Variants in RBM20 observed in about 807,000 individuals in gnomAD.
RBM20 encodes RNA-binding protein 20.
A neutral mutation model predicts 110.1 loss-of-function variants in RBM20; 51 were observed. The observed-to-expected ratio is 0.46, with a 90% CI of 0.37 to 0.59. RBM20 has a LOEUF of 0.59. RBM20 is among the 20% of genes least tolerant of loss of function. The pLI, the probability that RBM20 is intolerant of heterozygous loss-of-function variation, is 0.00. For missense variants in RBM20, 1,512 were observed against 1,574.9 expected, an observed-to-expected ratio of 0.96 and a Z score of 0.68; for synonymous variants, 589 against 618.2, an observed-to-expected ratio of 0.95 and a Z score of 0.70.
At chr10:110,817,327 T>C (rs547277316) in intron 9 of RBM20, among the ~76,000 whole-genome samples, 9 of 152,312 alleles carry the variant, frequency 5.9e-5, no homozygotes, top group Admixed American at 2.6e-4. Flanking sequence ...AACCAAAACA[T>C]ACCTGTGGGC....
chr10:110,817,841 T>C (rs1844858933), intron 9 of RBM20, among the ~76,000 whole-genome samples: 1 of 152,196 alleles, frequency 6.6e-6, no homozygotes, highest in Non-Finnish European at 1.5e-5. Flanking sequence ...AGCGTTGCCG[T>C]AGCAGAGAGC....
At chr10:110,780,719 G>C in intron 1 of RBM20, 82 bp from the exon 2 acceptor site, 1 of 1,423,936 alleles carries the variant, frequency 7.0e-7, no homozygotes, top group Non-Finnish European at 9.3e-7. Context: ...ATGTGGGAGG[G>C]GGGACCACAG....
At chr10:110,731,066 G>A (rs1319257833) in intron 1 of RBM20, among the ~76,000 whole-genome samples, 1 of 152,050 alleles carries the variant, frequency 6.6e-6, no homozygotes, top group East Asian at 1.9e-4. Context: ...TTCATTCACT[G>A]GCCATAGTGA....
In RBM20 at chr10:110,784,815, T is replaced by C; in HGVS notation, c.1453T>C (p.Ser485Pro). ...AGATTATGCCTCAAATCTTGGAACA[T>C]CATACGTGCCCATTCCAGCAAGGTC... The part of the protein sequence containing the change: ...NEDYASNLGT[S>P]YVPIPARSFT... Residue 485 changes from serine (S) to proline (P), a missense_variant, in exon 5 of 14, where the codon TCA becomes CCA. Ser to Pro is a moderately conservative substitution (Grantham distance 74). Coordinates refer to ENST00000369519, the MANE Select transcript of RBM20 (RefSeq NM_001134363.3). 1 of 1,550,764 alleles carries C rather than the reference T, an allele frequency of 6.4e-7. No individual in the cohort carries two copies. Among genetic ancestry groups the C allele is most frequent in the East Asian group, 2.4e-5 (1 of 40,922 alleles).
intron 1 of RBM20, among the ~76,000 whole-genome samples, chr10:110,709,810 A>C (rs1478600420): frequency 2.0e-5 from 3 of 151,942 alleles, no homozygotes; most frequent in Non-Finnish European, 4.4e-5. Flanking sequence ...GACTCAAGCA[A>C]TTCTCCCACC....
rs1438975783 is a variant in RBM20 at position 110,784,380 on chromosome 10, A to G, written c.1377A>G (p.Thr459=). 1.3e-6 allele frequency: 2 copies of G among 1,551,444 alleles called. No homozygotes were observed. Among genetic ancestry groups the G allele is most frequent in the Admixed American group, 2.0e-5 (1 of 51,006 alleles). The change falls in exon 4 of 14, where the codon ACA becomes ACG. Residue 459 remains threonine, a synonymous_variant. Coordinates refer to ENST00000369519, the MANE Select transcript of RBM20 (RefSeq NM_001134363.3). ...IRCILGSAEG[T]LCASPNSTAV... is the part of the protein sequence containing the mutation. ...GTATACTTGGTTCGGCAGAGGGAAC[A>G]TTGTGTGCTTCTCCCAACAGCACAG...
chr10:110,647,540 A>G (rs1469704380), intron 1 of RBM20, among the ~76,000 whole-genome samples: 1 of 152,190 alleles, frequency 6.6e-6, no homozygotes, highest in Non-Finnish European at 1.5e-5. Context: ...AACACGATTT[A>G]GGCTATTTAG....
intron 1 of RBM20, among the ~76,000 whole-genome samples, chr10:110,672,241 A>G (rs1862271559): frequency 2.0e-5 from 3 of 152,170 alleles, no homozygotes; most frequent in Admixed American, 2.0e-4. Flanking sequence ...GGCAGTGGTG[A>G]GACTTCGGCC....
At chr10:110,708,762 C>A (rs1301247362) in intron 1 of RBM20, among the ~76,000 whole-genome samples, 1 of 152,146 alleles carries the variant, frequency 6.6e-6, no homozygotes, top group Non-Finnish European at 1.5e-5. Flanking sequence ...AAAGTCTGTT[C>A]ATTGTTTCCC....
chr10:110,830,449 T>C (rs1845035975), intron 12 of RBM20, among the ~76,000 whole-genome samples: 1 of 152,028 alleles, frequency 6.6e-6, no homozygotes, highest in African/African-American at 2.4e-5. Flanking sequence ...GATATACAAT[T>C]TCACGAAAAA....
At chr10:110,676,812 A>T (rs1227640273) in intron 1 of RBM20, among the ~76,000 whole-genome samples, 1 of 152,134 alleles carries the variant, frequency 6.6e-6, no homozygotes, top group East Asian at 1.9e-4. Context: ...TTCAAATCCA[A>T]TATTGGTTTT....
intron 1 of RBM20, among the ~76,000 whole-genome samples, chr10:110,680,757 T>C (rs1405349092): frequency 1.3e-5 from 2 of 152,164 alleles, no homozygotes; most frequent in African/African-American, 2.4e-5. Context: ...TTGATGCACC[T>C]ATACCAGGTT....
intron 1 of RBM20, among the ~76,000 whole-genome samples, chr10:110,769,662 C>T (rs1844159349): frequency 6.6e-6 from 1 of 152,114 alleles, no homozygotes; most frequent in Non-Finnish European, 1.5e-5. Context: ...GGTGTACTTG[C>T]AGCTAGTAGA....
At chr10:110,778,836 G>A (rs1468305049) in intron 1 of RBM20, among the ~76,000 whole-genome samples, 1 of 152,212 alleles carries the variant, frequency 6.6e-6, no homozygotes, top group Non-Finnish European at 1.5e-5. Context: ...TCCAGACCAT[G>A]CACACTGATT....
At chr10:110,670,663 C>T (rs534759795) in intron 1 of RBM20, among the ~76,000 whole-genome samples, 17 of 152,284 alleles carry the variant, frequency 1.1e-4, no homozygotes, top group Middle Eastern at 3.4e-3. Flanking sequence ...ATTTAAATAC[C>T]GTAGAACCAT....
chr10:110,686,281 T>C (rs920084992), intron 1 of RBM20, among the ~76,000 whole-genome samples: 1 of 152,144 alleles, frequency 6.6e-6, no homozygotes, highest in Admixed American at 6.5e-5. Flanking sequence ...TTATTTATAG[T>C]AGCTAGTGAC....
chr10:110,654,522 C>T (rs1564806653), intron 1 of RBM20, among the ~76,000 whole-genome samples: 1 of 152,164 alleles, frequency 6.6e-6, no homozygotes, highest in Non-Finnish European at 1.5e-5. Flanking sequence ...TGGTTCTTTG[C>T]AGAAGCCTTT....
At chr10:110,761,655 G>A (rs926245317) in intron 1 of RBM20, among the ~76,000 whole-genome samples, 3 of 152,146 alleles carry the variant, frequency 2.0e-5, no homozygotes, top group South Asian at 2.1e-4. Flanking sequence ...CCACACGTGG[G>A]GTGTATACCA....
rs371956439 is a variant in RBM20 at position 110,774,843 on chromosome 10, A to T, written c.192-5958A>T. On this transcript the variant is annotated intron_variant, in intron 1 of 13. Transcript: ENST00000369519. ...GTCATTGTCACCTTTGTAACCTGAC[A>T]TTCAGGAATGTCCCTCTCTAGTTCA... is the stretch of plus-strand genomic sequence containing the variant. Among the ~76,000 whole-genome samples, 609 of 152,288 alleles carry T rather than the reference A, an allele frequency of 4.0e-3. 5 individuals carry two copies. Among genetic ancestry groups the T allele is most frequent in the African/African-American group, 0.014 (579 of 41,544 alleles).
Sources: gnomAD v4.1 joint callset for allele counts (sites outside exome capture counted in the v4.1 genomes callset) on GRCh38, gnomAD v4.1.1 for gene constraint, MANE v1.5 for transcripts, NCBI Gene and HGNC (gene_info 2026-07-23, HGNC 2026-07-21) for gene names.